Variants in RNASE1 observed in about 807,000 individuals in gnomAD.
RNASE1 encodes ribonuclease A family member 1, pancreatic.
For synonymous variants in RNASE1, 64 were observed against 78.6 expected (o/e 0.81, Z 0.98); for missense variants, 203 against 201.0 (o/e 1.01, Z -0.06).
chr14:20,801,616 A>G lies in RNASE1; in HGVS notation c.453T>C (p.Ser151=), dbSNP rs1351430585. Residue 151 remains serine (S), a synonymous_variant, in exon 2 of 2, where the codon TCT becomes TCC. Transcript: ENST00000397967. The stretch of plus-strand genomic sequence containing the variant: ...TCTGACCTTAGGTAGAGTCCTCCAC[A>G]GAAGCATCAAAGTGGACTGGCACAT... ...SPYVPVHFDA[S]VEDST The G allele has an allele frequency of 6.2e-7, 1 of 1,613,672 alleles. No homozygotes were observed. The highest frequency in any genetic ancestry group is 2.2e-5 in the East Asian group (1 of 44,854).
At chr14:20,802,140 G>A in intron 1 of RNASE1, 47 bp from the exon 2 acceptor site, 1 of 1,186,888 alleles carries the variant, frequency 8.4e-7, no homozygotes, top group Non-Finnish European at 1.1e-6. Flanking sequence ...CTTAGAAAAA[G>A]AACTCCAGCT....
At chr14:20,802,452 T>A (rs1229650058) in intron 1 of RNASE1, 2 of 177,382 alleles carry the variant, frequency 1.1e-5, no homozygotes. Flanking sequence ...AACCAAATTG[T>A]ATCCCCGACA....
rs113971533 is a variant in RNASE1 at position 20,801,958 on chromosome 14, C to T, written c.111G>A (p.Gln37=). The T allele has an allele frequency of 3.1e-4, 508 of 1,613,980 alleles. 1 individual carries two copies. In the African/African-American group the frequency reaches 5.7e-3, roughly 18 times the overall value. The change falls in exon 2 of 2, where the codon CAG becomes CAA. Residue 37 remains glutamine, a synonymous_variant. Transcript: ENST00000397967. ...LGKESRAKKF[Q]RQHMDSDSSP... is the part of the protein sequence containing the mutation. Reference sequence around the variant, plus strand: ...AACTGTCTGAGTCCATATGCTGCCGCTGGAATTTCTTGGCCCGGGATTCCT... The same window carrying T: ...AACTGTCTGAGTCCATATGCTGCCGTTGGAATTTCTTGGCCCGGGATTCCT...
At chr14:20,802,176 A>T in intron 1 of RNASE1, 83 bp from the exon 2 acceptor site, 1 of 880,736 alleles carries the variant, frequency 1.1e-6, no homozygotes, top group Non-Finnish European at 1.7e-6. Context: ...CCTGGTTTAC[A>T]CTTTCTGTTT....
At position 20,801,745 on chromosome 14, in the gene RNASE1, G is replaced by A; in HGVS notation, c.324C>T (p.His108=). The A allele has an allele frequency of 6.2e-7, 1 of 1,614,212 alleles. No individual in the cohort carries two copies. The highest frequency in any genetic ancestry group is 8.5e-7 in the Non-Finnish European group (1 of 1,180,038). The change falls in exon 2 of 2, where the codon CAC becomes CAT. Residue 108 remains histidine (H), a synonymous_variant. Transcript: ENST00000397967. ...GNCYKSNSSM[H]ITDCRLTNGS... is the part of the protein sequence containing the mutation. Reference sequence around the variant, plus strand: ...CGTTTGTCAGGCGGCAGTCTGTGATGTGCATGCTGGAGTTGCTCTTGTAGC... The same window carrying A: ...CGTTTGTCAGGCGGCAGTCTGTGATATGCATGCTGGAGTTGCTCTTGTAGC...
At chr14:20,802,175 C>T in intron 1 of RNASE1, 82 bp from the exon 2 acceptor site, 1 of 886,638 alleles carries the variant, frequency 1.1e-6, no homozygotes, top group Non-Finnish European at 1.7e-6. Context: ...GCCTGGTTTA[C>T]ACTTTCTGTT....
At position 20,801,590 on chromosome 14, in the gene RNASE1, C is replaced by T. The variant is rs1161224971; in HGVS notation, c.*8G>A. Reference sequence around the variant, plus strand: ...TTGAGGGAGGTGGGGTATCTCGCTGCTCTGACCTTAGGTAGAGTCCTCCAC... The same window carrying T: ...TTGAGGGAGGTGGGGTATCTCGCTGTTCTGACCTTAGGTAGAGTCCTCCAC... On this transcript the variant is annotated 3_prime_UTR_variant, in exon 2 of 2. Transcript: ENST00000397967. 2.5e-6 allele frequency: 4 copies of T among 1,607,550 alleles called. No homozygotes were observed. Among genetic ancestry groups the T allele is most frequent in the Admixed American group, 3.3e-5 (2 of 59,938 alleles).
In RNASE1 at chr14:20,801,642, A is replaced by G. The variant is rs1411572510; in HGVS notation, c.427T>C (p.Tyr143His). Residue 143 changes from tyrosine (Y) to histidine (H), a missense_variant, in exon 2 of 2, where the codon TAT becomes CAT. Coordinates refer to ENST00000397967, the MANE Select transcript of RNASE1 (RefSeq NM_002933.5). ...GAAGCATCAAAGTGGACTGGCACAT[A>G]TGGGCTCCCTTCACAGGCCACAATG... is the stretch of plus-strand genomic sequence containing the variant. ...HIIVACEGSP[Y>H]VPVHFDASVE... The G allele has an allele frequency of 2.5e-6, 4 of 1,614,016 alleles. No homozygotes were observed. Among genetic ancestry groups the G allele is most frequent in the Non-Finnish European group, 3.4e-6 (4 of 1,180,030 alleles).
intron 1 of RNASE1, 103 bp downstream of exon 1, chr14:20,802,694 T>C: frequency 6.5e-6 from 1 of 153,252 alleles, no homozygotes; most frequent in Non-Finnish European, 1.5e-5. Context: ...TTTTCAGCGC[T>C]AGCATCACCC....
In RNASE1 at chr14:20,801,564, G is replaced by A; in HGVS notation, c.*34C>T. On this transcript the variant is annotated 3_prime_UTR_variant, in exon 2 of 2. Transcript: ENST00000397967. ...AAGAGGCAGCTGTGGAGAGGATGAG[G>A]TTGAGGGAGGTGGGGTATCTCGCTG... The A allele has an allele frequency of 6.4e-7, 1 of 1,568,218 alleles. No individual in the cohort carries two copies. Among genetic ancestry groups the A allele is most frequent in the Non-Finnish European group, 8.8e-7 (1 of 1,140,722 alleles).
intron 1 of RNASE1, 142 bp from the exon 2 acceptor site, chr14:20,802,235 A>T (rs1231978016): frequency 3.3e-6 from 2 of 609,972 alleles, no homozygotes; most frequent in African/African-American, 3.7e-5. Flanking sequence ...TTTTTCGTGT[A>T]ATGAGACACT....
chr14:20,802,074 C>A lies in RNASE1; in HGVS notation c.-6G>T. ...AGAGACTTCTCCAGAGCCATGGTGG[C>A]CTCACTTTCCCAGAAAAGCCTAATT... is the stretch of plus-strand genomic sequence containing the variant. On this transcript the variant is annotated 5_prime_UTR_variant, in exon 2 of 2. Transcript: ENST00000397967. 1 of 1,570,162 alleles carries A rather than the reference C, an allele frequency of 6.4e-7. No individual in the cohort carries two copies. The highest frequency in any genetic ancestry group is 1.9e-5 in the Admixed American group (1 of 52,792).
At chr14:20,802,357 T>G (rs1393029693) in intron 1 of RNASE1, 1 of 337,946 alleles carries the variant, frequency 3.0e-6, no homozygotes, top group Non-Finnish European at 5.4e-6. Context: ...TTCCTATCTT[T>G]GAATACTGGA....
Position 20,801,435 on chromosome 14 carries a change from C to T in RNASE1, c.*163G>A, listed in dbSNP as rs901314526. 6.2e-6 allele frequency: 4 copies of T among 645,462 alleles called. No homozygotes were observed. Among genetic ancestry groups the T allele is most frequent in the Non-Finnish European group, 8.1e-6 (3 of 370,348 alleles). The allele number at this position is 645,462 out of a possible 1,614,324, so 40.0% of individuals were successfully genotyped here. A position where few individuals can be genotyped will look rare whatever the true frequency, so the allele number is the denominator to read the frequency against. ...GGCCCACCTCACAACCCACTCTTCA[C>T]CCCCAAAATCACGCAGGGATGGGAC... On this transcript the variant is annotated 3_prime_UTR_variant, in exon 2 of 2. Coordinates refer to ENST00000397967, the MANE Select transcript of RNASE1 (RefSeq NM_002933.5).
At position 20,802,039 on chromosome 14, in the gene RNASE1, G is replaced by T; in HGVS notation, c.30C>A (p.Leu10=). The change falls in exon 2 of 2, where the codon CTC becomes CTA. Residue 10 remains leucine (L), a synonymous_variant. Transcript: ENST00000397967. MALEKSLVR[L]LLLVLILLVL... ...CCAGCAGTATCAGGACAAGCAGAAG[G>T]AGCCGGACAAGAGACTTCTCCAGAG... is the stretch of plus-strand genomic sequence containing the variant. 1 of 1,603,592 alleles carries T rather than the reference G, an allele frequency of 6.2e-7. No homozygotes were observed.
chr14:20,802,426 G>A, intron 1 of RNASE1: 1 of 200,374 alleles, frequency 5.0e-6, no homozygotes, highest in Admixed American at 5.2e-5. Context: ...CGAAACATCA[G>A]TTTGAATAAA....
intron 1 of RNASE1, 156 bp from the exon 2 acceptor site, chr14:20,802,249 G>T: frequency 1.7e-6 from 1 of 583,396 alleles, no homozygotes; most frequent in Non-Finnish European, 3.0e-6. Flanking sequence ...AGACACTCAC[G>T]TGTACCCTTT....
In RNASE1 at chr14:20,801,522, G is replaced by T; in HGVS notation, c.*76C>A. 1 of 1,236,494 alleles carries T rather than the reference G, an allele frequency of 8.1e-7. No individual in the cohort carries two copies. The highest frequency in any genetic ancestry group is 1.2e-6 in the Non-Finnish European group (1 of 854,856). 76.6% of individuals were successfully genotyped at this position (1,236,494 alleles called of 1,614,324 possible). On this transcript the variant is annotated 3_prime_UTR_variant, in exon 2 of 2. Transcript: ENST00000397967. ...CCTAACTGTAGTTACTTCTTTCACA[G>T]CAGGGAAGGAAGAGGGAAGAGGCAG...
Position 20,801,550 on chromosome 14 carries a change from G to C in RNASE1, c.*48C>G. 1 of 1,489,110 alleles carries C rather than the reference G, an allele frequency of 6.7e-7. No homozygotes were observed. Among genetic ancestry groups the C allele is most frequent in the South Asian group, 1.2e-5 (1 of 86,896 alleles). 92.2% of individuals were successfully genotyped at this position (1,489,110 alleles called of 1,614,324 possible). Reference sequence around the variant, plus strand: ...GGGAAGGAAGAGGGAAGAGGCAGCTGTGGAGAGGATGAGGTTGAGGGAGGT... The same window carrying C: ...GGGAAGGAAGAGGGAAGAGGCAGCTCTGGAGAGGATGAGGTTGAGGGAGGT... On this transcript the variant is annotated 3_prime_UTR_variant, in exon 2 of 2. Coordinates refer to ENST00000397967, the MANE Select transcript of RNASE1 (RefSeq NM_002933.5).
Sources: gnomAD v4.1 joint callset for allele counts on GRCh38, gnomAD v4.1.1 for gene constraint, MANE v1.5 for transcripts, NCBI Gene and HGNC (gene_info 2026-07-23, HGNC 2026-07-21) for gene names.